Variants in ENOX1 observed in about 807,000 individuals in gnomAD.
ENOX1 encodes ecto-NOX disulfide-thiol exchanger 1, also known as candidate growth-related and time keeping constitutive hydroquinone (NADH) oxidase.
Under a neutral mutation model 82.5 loss-of-function variants are expected in ENOX1, and 42 were observed. That is an observed-to-expected ratio of 0.51 (90% CI 0.40 to 0.66). The LOEUF (loss-of-function observed/expected upper bound fraction) is 0.66. Ranked by LOEUF, ENOX1 falls within the 30% of genes least tolerant of loss-of-function variation. The probability of loss-of-function intolerance (pLI) is 0.00; values close to 1 mark genes in which losing one functional copy is unlikely to be tolerated. For synonymous variants in ENOX1, 271 were observed against 282.2 expected, an observed-to-expected ratio of 0.96 and a Z score of 0.40; for missense variants, 608 against 811.6, an observed-to-expected ratio of 0.75 and a Z score of 3.05.
chr13:43,418,423 G>A (rs1447701250), intron 3 of ENOX1, among the ~76,000 whole-genome samples: 1 of 152,010 alleles, frequency 6.6e-6, no homozygotes, highest in Non-Finnish European at 1.5e-5. Context: ...AGCTACTTGG[G>A]AAGCTGAGGC....
chr13:43,745,233 A>C (rs1275383061), intron 1 of ENOX1, among the ~76,000 whole-genome samples: 1 of 152,234 alleles, frequency 6.6e-6, no homozygotes, highest in Non-Finnish European at 1.5e-5. Flanking sequence ...GAGGGAGAAG[A>C]CAACAAAAAT....
At chr13:43,447,886 A>C (rs1031390839) in intron 3 of ENOX1, among the ~76,000 whole-genome samples, 2 of 152,262 alleles carry the variant, frequency 1.3e-5, no homozygotes, top group African/African-American at 4.8e-5. Context: ...AACATAAAGC[A>C]TCCATCTTTA....
At chr13:43,507,011 G>C (rs1421541058) in intron 2 of ENOX1, among the ~76,000 whole-genome samples, 1 of 151,470 alleles carries the variant, frequency 6.6e-6, no homozygotes, top group Non-Finnish European at 1.5e-5. Flanking sequence ...GAGGGAATTT[G>C]AGTGATTGAC....
intron 3 of ENOX1, among the ~76,000 whole-genome samples, chr13:43,420,579 A>G (rs528690962): frequency 6.6e-6 from 1 of 152,326 alleles, no homozygotes; most frequent in Non-Finnish European, 1.5e-5. Flanking sequence ...GTGGTAAAAG[A>G]AAACATAAAA....
intron 3 of ENOX1, among the ~76,000 whole-genome samples, chr13:43,455,631 G>A (rs79984693): frequency 3.3e-5 from 5 of 152,150 alleles, no homozygotes; most frequent in East Asian, 1.9e-4. Flanking sequence ...CCCCACGTCC[G>A]TCTGATATGG....
chr13:43,235,731 CAAAA>C (rs558553513), intron 15 of ENOX1, among the ~76,000 whole-genome samples: 1 of 82,578 alleles, frequency 1.2e-5, no homozygotes, highest in African/African-American at 3.6e-5. Flanking sequence ...GACCCTGTCT[CAAAA>C]AAAAAAAAAA....
At chr13:43,501,909 A>T (rs1285082908) in intron 2 of ENOX1, among the ~76,000 whole-genome samples, 1 of 151,464 alleles carries the variant, frequency 6.6e-6, no homozygotes, top group African/African-American at 2.4e-5. Flanking sequence ...AACAGAAATA[A>T]ATGAACTAGA....
At chr13:43,424,790 CT>C (rs2055191247) in intron 3 of ENOX1, among the ~76,000 whole-genome samples, 1 of 152,130 alleles carries the variant, frequency 6.6e-6, no homozygotes, top group African/African-American at 2.4e-5. Flanking sequence ...TGTGATGGTC[CT>C]TTTTGCTTCT....
intron 14 of ENOX1, among the ~76,000 whole-genome samples, chr13:43,250,180 G>A (rs902555524): frequency 1.3e-5 from 2 of 152,170 alleles, no homozygotes; most frequent in Admixed American, 6.5e-5. Flanking sequence ...GTGGCATCAT[G>A]ACTGGGCCCC....
chr13:43,676,323 C>T (rs1232001585), intron 1 of ENOX1, among the ~76,000 whole-genome samples: 5 of 152,012 alleles, frequency 3.3e-5, no homozygotes, highest in Admixed American at 1.3e-4. Context: ...TAAAATAAGT[C>T]AGATCATATT....
At chr13:43,265,284 G>A in intron 14 of ENOX1, 114 bp downstream of exon 14, 4 of 831,056 alleles carry the variant, frequency 4.8e-6, no homozygotes, top group Non-Finnish European at 7.5e-6. Flanking sequence ...TTAATCTTAA[G>A]CTGCTGACAG....
intron 3 of ENOX1, among the ~76,000 whole-genome samples, chr13:43,450,294 G>C (rs1453095381): frequency 2.0e-5 from 3 of 152,158 alleles, no homozygotes; most frequent in East Asian, 1.9e-4. Context: ...AAGGTGAAGT[G>C]GGGGGCAGCA....
At chr13:43,311,993 A>C (rs1302993264) in intron 11 of ENOX1, among the ~76,000 whole-genome samples, 1 of 152,206 alleles carries the variant, frequency 6.6e-6, no homozygotes, top group East Asian at 1.9e-4. Flanking sequence ...CAAGAAAAAT[A>C]AAATCTCTCA....
At chr13:43,408,889 G>A (rs2053954317) in intron 5 of ENOX1, among the ~76,000 whole-genome samples, 1 of 151,762 alleles carries the variant, frequency 6.6e-6, no homozygotes, top group African/African-American at 2.4e-5. Flanking sequence ...TCTGCATTTA[G>A]AAATGGAATA....
At chr13:43,309,365 C>G (rs1245567597) in intron 11 of ENOX1, among the ~76,000 whole-genome samples, 1 of 152,058 alleles carries the variant, frequency 6.6e-6, no homozygotes, top group Non-Finnish European at 1.5e-5. Context: ...TAAACTCCCC[C>G]TGCCAACAAC....
At chr13:43,442,614 A>G (rs920006953) in intron 3 of ENOX1, among the ~76,000 whole-genome samples, 2 of 152,224 alleles carry the variant, frequency 1.3e-5, no homozygotes, top group Non-Finnish European at 1.5e-5. Context: ...ACCTTTAAAT[A>G]AAACTCATAA....
intron 2 of ENOX1, among the ~76,000 whole-genome samples, chr13:43,657,311 T>G (rs2084485836): frequency 6.6e-6 from 1 of 152,192 alleles, no homozygotes; most frequent in African/African-American, 2.4e-5. Context: ...AAGTAATTAT[T>G]TTAGATTTGT....
At position 43,773,235 on chromosome 13, in the gene ENOX1, C is replaced by A. The variant is rs1240516666; in HGVS notation, c.-285+13417G>T. Among the ~76,000 whole-genome samples the A allele has an allele frequency of 3.9e-5, 6 of 152,218 alleles. No individual in the cohort carries two copies. In the East Asian group the frequency reaches 1.2e-3, roughly 29 times the overall value. On this transcript the variant is annotated intron_variant, in intron 1 of 16. Transcript: ENST00000690772. ...TTCCCTTAAAACCCTTCAATGACTG[C>A]TTAAGGAGTATAGGATTTCCTTTTG...
chr13:43,232,113 T>TC (rs2042314478), intron 15 of ENOX1, among the ~76,000 whole-genome samples: 3 of 149,056 alleles, frequency 2.0e-5, no homozygotes. Flanking sequence ...TTTTTTTTTT[T>TC]GTAGAGATGG....
Sources: allele counts gnomAD v4.1 joint callset (sites outside exome capture counted in the v4.1 genomes callset), GRCh38; gene constraint gnomAD v4.1.1; transcripts MANE v1.5; gene names NCBI Gene and HGNC (gene_info 2026-07-23, HGNC 2026-07-21).